TTC28: variants seen among roughly 807,000 people sequenced by gnomAD.
TTC28 encodes tetratricopeptide repeat domain 28.
A neutral mutation model predicts 198.0 loss-of-function variants in TTC28; 61 were observed. The observed-to-expected ratio is 0.31, with a 90% CI of 0.25 to 0.38. The LOEUF is 0.38. Among genes scored for constraint, TTC28 ranks in the 10% least tolerant of loss-of-function variants. The pLI is 1.00. For missense variants in TTC28, 2,678 were observed against 3,164.0 expected (o/e 0.85, Z 3.69); for synonymous variants, 1,171 against 1,297.8 (o/e 0.90, Z 2.10).
At position 27,998,099 on chromosome 22, in the gene TTC28, T is replaced by C. The variant is rs114316659; in HGVS notation, c.5119+441A>G. On this transcript the variant is annotated intron_variant, in intron 16 of 22. Transcript: ENST00000397906. ...CCTGTCAAATGTGGACCGGGTGGTG[T>C]CATCGCACCACCATCATCCCCTTGT... The C allele has an allele frequency of 8.3e-3, 1,622 of 195,136 alleles. 28 individuals carry two copies. The highest frequency in any genetic ancestry group is 0.035 in the African/African-American group (1,492 of 42,826). The allele number at this position is 195,136 out of a possible 1,614,324, so 12.1% of individuals were successfully genotyped here.
intron 2 of TTC28, among the ~76,000 whole-genome samples, chr22:28,464,777 T>C (rs989386985): frequency 6.6e-6 from 1 of 152,246 alleles, no homozygotes; most frequent in Non-Finnish European, 1.5e-5. Context: ...CTGGAAAAGA[T>C]GATACTTACC....
In TTC28 at chr22:28,345,933, ATCAG is replaced by A. The variant is rs2045896995; in HGVS notation, c.382-39294_382-39291del. ...AAATTGTTTTCTATAAGTAACCTGA[ATCAG>A]TCAGTCTACCTTACAAATCTGTAAA... On this transcript the variant is annotated intron_variant, in intron 2 of 22. Transcript: ENST00000397906. 2.0e-5 allele frequency among the ~76,000 whole-genome samples: 3 copies of A among 152,340 alleles called. No homozygotes were observed. The South Asian group carries it at 6.2e-4, about 32-fold the overall frequency.
chr22:28,127,590 A>G (rs749718599), intron 6 of TTC28, among the ~76,000 whole-genome samples: 1 of 152,258 alleles, frequency 6.6e-6, no homozygotes, highest in Non-Finnish European at 1.5e-5. Flanking sequence ...TGAGAAAAGG[A>G]ATGTAAAATG....
intron 2 of TTC28, among the ~76,000 whole-genome samples, chr22:28,451,504 G>A (rs1382347058): frequency 9.9e-5 from 15 of 152,144 alleles, no homozygotes; most frequent in Admixed American, 9.8e-4. Context: ...GTCATAGATA[G>A]GTTTTTGGAA....
intron 5 of TTC28, among the ~76,000 whole-genome samples, chr22:28,185,198 A>G (rs982944102): frequency 6.6e-6 from 1 of 152,224 alleles, no homozygotes; most frequent in African/African-American, 2.4e-5. Flanking sequence ...CAGCTGCAAG[A>G]ATATGAAACC....
intron 2 of TTC28, among the ~76,000 whole-genome samples, chr22:28,584,613 T>C (rs892917729): frequency 1.1e-4 from 16 of 152,346 alleles, no homozygotes; most frequent in African/African-American, 3.8e-4. Flanking sequence ...TTTAATATTG[T>C]ATTTAATTGT....
intron 13 of TTC28, among the ~76,000 whole-genome samples, chr22:28,023,844 C>T (rs150851703): frequency 6.6e-6 from 1 of 152,146 alleles, no homozygotes; most frequent in Admixed American, 6.5e-5. Context: ...AGCTGTGAGA[C>T]CCTGGGCAAC....
At chr22:28,201,802 A>T (rs1474960813) in intron 5 of TTC28, among the ~76,000 whole-genome samples, 1 of 151,660 alleles carries the variant, frequency 6.6e-6, no homozygotes, top group African/African-American at 2.4e-5. Context: ...AAGAGAGATC[A>T]GTTAAGAGGC....
intron 2 of TTC28, among the ~76,000 whole-genome samples, chr22:28,388,404 G>A (rs1229328635): frequency 6.6e-6 from 1 of 152,122 alleles, no homozygotes; most frequent in African/African-American, 2.4e-5. Flanking sequence ...AGCTTGATGG[G>A]GATGACATTG....
At chr22:27,984,308 C>T (rs910449356) in intron 22 of TTC28, among the ~76,000 whole-genome samples, 3 of 152,148 alleles carry the variant, frequency 2.0e-5, no homozygotes, top group Non-Finnish European at 2.9e-5. Context: ...ACTGCCTCTC[C>T]CCCATTCTCT....
chr22:28,603,260 A>AAAAG (rs2050671260), intron 2 of TTC28, among the ~76,000 whole-genome samples: 1 of 152,236 alleles, frequency 6.6e-6, no homozygotes, highest in Non-Finnish European at 1.5e-5. Context: ...AATGGGAGAA[A>AAAAG]AAAGAAGAAA....
chr22:28,250,762 G>A (rs1930456306), intron 5 of TTC28, among the ~76,000 whole-genome samples: 2 of 152,174 alleles, frequency 1.3e-5, no homozygotes, highest in African/African-American at 2.4e-5. Context: ...ACAGCAGTTG[G>A]TTGAATCCAC....
At chr22:28,328,479 C>T (rs998379805) in intron 2 of TTC28, among the ~76,000 whole-genome samples, 32 of 151,772 alleles carry the variant, frequency 2.1e-4, no homozygotes, top group African/African-American at 7.7e-4. Context: ...TAGGGCCAGG[C>T]GTGATGGCTC....
At chr22:28,234,896 T>C (rs987495355) in intron 5 of TTC28, among the ~76,000 whole-genome samples, 7 of 152,206 alleles carry the variant, frequency 4.6e-5, no homozygotes, top group African/African-American at 1.4e-4. Flanking sequence ...CACAATAAGC[T>C]CCTAAAATAT....
At chr22:28,629,262 T>G (rs2051129257) in intron 2 of TTC28, among the ~76,000 whole-genome samples, 1 of 152,022 alleles carries the variant, frequency 6.6e-6, no homozygotes, top group Admixed American at 6.6e-5. Context: ...TTCCAAAACC[T>G]ATATAAAGAA....
chr22:28,404,969 T>C (rs2046977817), intron 2 of TTC28, among the ~76,000 whole-genome samples: 1 of 149,258 alleles, frequency 6.7e-6, no homozygotes. Context: ...TGCCCATTGG[T>C]TCACTATTTA....
intron 5 of TTC28, among the ~76,000 whole-genome samples, chr22:28,194,609 C>A (rs1369632072): frequency 2.0e-5 from 3 of 151,934 alleles, no homozygotes; most frequent in African/African-American, 7.3e-5. Flanking sequence ...GATATCACCA[C>A]CGATCCCACA....
At chr22:28,623,869 T>G (rs886798918) in intron 2 of TTC28, among the ~76,000 whole-genome samples, 5 of 151,794 alleles carry the variant, frequency 3.3e-5, no homozygotes, top group Non-Finnish European at 5.9e-5. Context: ...ATGTCAAAAT[T>G]TGTAAGATGC....
chr22:28,306,901 C>G (rs148002774), intron 2 of TTC28, among the ~76,000 whole-genome samples: 3 of 152,156 alleles, frequency 2.0e-5, no homozygotes, highest in African/African-American at 7.2e-5. Flanking sequence ...TTTATTCACA[C>G]GTTACTTTTA....
Sources: gnomAD v4.1 joint callset for allele counts (sites outside exome capture counted in the v4.1 genomes callset) on GRCh38, gnomAD v4.1.1 for gene constraint, MANE v1.5 for transcripts, NCBI Gene and HGNC (gene_info 2026-07-23, HGNC 2026-07-21) for gene names.